The following ICE2 variants were observed in gnomAD, a reference collection of about 807,000 sequenced individuals.
ICE2 encodes the protein little elongation complex subunit 2.
In ICE2, 87 loss-of-function variants were observed where a neutral mutation model predicts 105.4. The ratio of observed to expected loss-of-function variants is 0.83; its 90% CI spans 0.69 to 0.99. The LOEUF is 0.99. ICE2 is among the 50% of genes least tolerant of loss of function. The pLI is 0.00. For synonymous variants in ICE2, 399 were observed against 392.0 expected (o/e 1.02, Z -0.21); for missense variants, 1,323 against 1,146.7 (o/e 1.15, Z -2.22).
intron 15 of ICE2, 148 bp downstream of exon 15, chr15:60,428,281 C>CA: frequency 6.7e-6 from 6 of 898,186 alleles, no homozygotes; most frequent in Non-Finnish European, 8.3e-6. Context: ...CCATGGCATA[C>CA]AACTTTATCC....
chr15:60,465,172 T>G (rs1391988046), intron 5 of ICE2, among the ~76,000 whole-genome samples: 3 of 152,120 alleles, frequency 2.0e-5, no homozygotes, highest in Non-Finnish European at 2.9e-5. Context: ...AACAGCAAAA[T>G]TCTTCCTTAC....
intron 5 of ICE2, among the ~76,000 whole-genome samples, chr15:60,457,960 T>C (rs929232865): frequency 2.0e-5 from 3 of 152,302 alleles, no homozygotes; most frequent in Middle Eastern, 6.8e-3. Flanking sequence ...ATAAGAACTA[T>C]GTGAAATAGA....
intron 5 of ICE2, among the ~76,000 whole-genome samples, chr15:60,463,779 A>G (rs1567003207): frequency 6.6e-6 from 1 of 152,196 alleles, no homozygotes; most frequent in Non-Finnish European, 1.5e-5. Flanking sequence ...TCTTAAAAAA[A>G]GAAAAAAAAA....
At chr15:60,431,897 C>A in intron 14 of ICE2, 37 bp downstream of exon 14, 1 of 1,096,418 alleles carries the variant, frequency 9.1e-7, no homozygotes, top group South Asian at 1.4e-5. Context: ...CTAAGAAAAT[C>A]AGATGTATCA....
chr15:60,437,003 C>T (rs1038942752), intron 12 of ICE2, among the ~76,000 whole-genome samples: 3 of 152,006 alleles, frequency 2.0e-5, no homozygotes, highest in East Asian at 1.9e-4. Flanking sequence ...CTGAAATCCC[C>T]GCACTTTGGG....
At chr15:60,427,152 GTTTAC>G (rs1293812671) in intron 15 of ICE2, among the ~76,000 whole-genome samples, 5 of 152,098 alleles carry the variant, frequency 3.3e-5, no homozygotes, top group Non-Finnish European at 2.9e-5. Context: ...AAACAACCCT[GTTTAC>G]TTTAAATTAT....
intron 2 of ICE2, 80 bp downstream of exon 2, chr15:60,477,857 G>T: frequency 8.1e-7 from 1 of 1,236,552 alleles, no homozygotes. Flanking sequence ...ATCTCTCTAT[G>T]CCAGAAATCT....
chr15:60,457,749 C>T (rs2064167262), intron 5 of ICE2, among the ~76,000 whole-genome samples: 1 of 152,106 alleles, frequency 6.6e-6, no homozygotes, highest in Non-Finnish European at 1.5e-5. Context: ...CATGGAAGAT[C>T]TATTTAATTC....
chr15:60,454,827 G>A (rs1416974456), intron 8 of ICE2, 176 bp downstream of exon 8: 2 of 499,466 alleles, frequency 4.0e-6, no homozygotes, highest in South Asian at 7.9e-5. Flanking sequence ...CACGAATTAG[G>A]TATTTGTCCT....
chr15:60,438,602 A>G (rs2063648962), intron 12 of ICE2: 1 of 152,246 alleles, frequency 6.6e-6, no homozygotes, highest in Admixed American at 6.5e-5. Context: ...TGAGAAGACT[A>G]ATAGTTCTTA....
At chr15:60,461,565 TGTG>T (rs1161576265) in intron 5 of ICE2, among the ~76,000 whole-genome samples, 2 of 152,154 alleles carry the variant, frequency 1.3e-5, no homozygotes, top group Non-Finnish European at 2.9e-5. Flanking sequence ...TTTTAAAAAA[TGTG>T]GGGGAGAATG....
chr15:60,439,523 G>A (rs1376561800), intron 12 of ICE2: 1 of 152,142 alleles, frequency 6.6e-6, no homozygotes, highest in Non-Finnish European at 1.5e-5. Flanking sequence ...TGGGACTACA[G>A]GCGCATGCGA....
At chr15:60,441,164 A>T (rs1211040230) in intron 12 of ICE2, 3 of 152,154 alleles carry the variant, frequency 2.0e-5, no homozygotes, top group Non-Finnish European at 4.4e-5. Flanking sequence ...TGTTGGTGTG[A>T]GGTCTTTGGA....
intron 8 of ICE2, 99 bp downstream of exon 8, chr15:60,454,904 G>A: frequency 9.1e-7 from 1 of 1,094,606 alleles, no homozygotes; most frequent in Non-Finnish European, 1.3e-6. Context: ...CACTCTCTGG[G>A]TCCATGTGTT....
intron 2 of ICE2, among the ~76,000 whole-genome samples, chr15:60,477,217 A>G (rs2064786261): frequency 6.6e-6 from 1 of 152,210 alleles, no homozygotes; most frequent in South Asian, 2.1e-4. Context: ...TGACATCTCA[A>G]TAAATTCTTA....
At position 60,442,503 on chromosome 15, in the gene ICE2, A is replaced by G; in HGVS notation, c.2338T>C (p.Cys780Arg). The change falls in exon 12 of 16, where the codon TGT (cysteine) becomes CGT (arginine). Residue 780 changes from cysteine to arginine, a missense_variant. Coordinates refer to ENST00000261520, the MANE Select transcript of ICE2 (RefSeq NM_024611.6). Reference sequence around the variant, plus strand: ...TCAGTCAGAGCTTCAACTCCATAACAAGCTTGATACTCTACTTTTGGTAGT... The same window carrying G: ...TCAGTCAGAGCTTCAACTCCATAACGAGCTTGATACTCTACTTTTGGTAGT... The part of the protein sequence containing the change: ...YVLPKVEYQA[C>R]YGVEALTESE... The G allele has an allele frequency of 6.3e-7, 1 of 1,592,868 alleles. No individual in the cohort carries two copies. Among genetic ancestry groups the G allele is most frequent in the Non-Finnish European group, 8.5e-7 (1 of 1,175,090 alleles).
intron 2 of ICE2, 102 bp from the exon 3 acceptor site, chr15:60,476,269 AC>A (rs1158450628): frequency 2.9e-5 from 20 of 685,486 alleles, no homozygotes; most frequent in Non-Finnish European, 3.8e-5. Flanking sequence ...ATACCTTCTT[AC>A]CCCCCCATCC....
Position 60,468,067 on chromosome 15 carries a change from C to G in ICE2, c.402G>C (p.Gln134His), listed in dbSNP as rs1231388241. ...TGAAGAACACAATACATACCAAGTA[C>G]TGCAAGTAGTCATTTTTATTTATTC... The part of the protein sequence containing the change: ...AVGINKNDYL[Q>H]YLDMKKHVNE... Residue 134 changes from glutamine to histidine, a missense_variant, in exon 4 of 16, where the codon CAG becomes CAC. Coordinates refer to ENST00000261520, the MANE Select transcript of ICE2 (RefSeq NM_024611.6). 1.2e-6 allele frequency: 2 copies of G among 1,611,172 alleles called. No homozygotes were observed. Among genetic ancestry groups the G allele is most frequent in the Admixed American group, 3.3e-5 (2 of 59,810 alleles).
In ICE2 at chr15:60,448,939, C is replaced by G; in HGVS notation, c.2028G>C (p.Gln676His). 1 of 1,614,016 alleles carries G rather than the reference C, an allele frequency of 6.2e-7. No homozygotes were observed. The highest frequency in any genetic ancestry group is 8.5e-7 in the Non-Finnish European group (1 of 1,179,920). Residue 676 changes from glutamine to histidine, a missense_variant, in exon 10 of 16, where the codon CAG (glutamine) becomes CAC (histidine). By Grantham distance (24) the Gln-to-His change is conservative. Transcript: ENST00000261520. ...CAGACAATTGCTCAGAAACAGAAGGCTGTTTAGAATTTTCTAAATTCATTA... is the reference window on the plus strand; with the variant it reads ...CAGACAATTGCTCAGAAACAGAAGGGTGTTTAGAATTTTCTAAATTCATTA... Reference protein sequence around the residue: ...LPLMNLENSKQPSVSEQLSGP... With the variant: ...LPLMNLENSKHPSVSEQLSGP...
Sources: gnomAD v4.1 joint callset for allele counts (sites outside exome capture counted in the v4.1 genomes callset) on GRCh38, gnomAD v4.1.1 for gene constraint, MANE v1.5 for transcripts, NCBI Gene and HGNC (gene_info 2026-07-23, HGNC 2026-07-21) for gene names.